Variants in UFSP2 observed in about 807,000 individuals in gnomAD.
UFSP2 encodes UFM1 specific peptidase 2.
UFSP2 carries 43 observed loss-of-function variants against 60.2 expected under a neutral mutation model. The observed-to-expected ratio is 0.71, with a 90% CI of 0.56 to 0.92. The LOEUF is 0.92. Ranked by LOEUF, UFSP2 falls within the 40% of genes least tolerant of loss-of-function variation. UFSP2 has a pLI of 0.00. For synonymous variants in UFSP2, 183 were observed against 195.1 expected (o/e 0.94, Z 0.52); for missense variants, 520 against 575.0 (o/e 0.90, Z 0.98).
chr4:185,400,154 C>A lies in UFSP2; in HGVS notation c.*238G>T, dbSNP rs2095511589. On this transcript the variant is annotated 3_prime_UTR_variant, in exon 12 of 12. Transcript: ENST00000264689. ...GAAAAACTTTCTTCCAAGTGAAGAT[C>A]CATTTAAGAACACATGTATTTACAT... 1.2e-6 allele frequency: 1 copy of A among 844,970 alleles called. No homozygotes were observed. The highest frequency in any genetic ancestry group is 1.8e-6 in the Non-Finnish European group (1 of 544,274). 52.3% of individuals were successfully genotyped at this position (844,970 alleles called of 1,614,324 possible).
chr4:185,401,248 A>C (rs1379681220), intron 11 of UFSP2, among the ~76,000 whole-genome samples: 1 of 152,198 alleles, frequency 6.6e-6, no homozygotes, highest in Non-Finnish European at 1.5e-5. Context: ...AAAACAAGAT[A>C]AAAGTAAAAA....
At chr4:185,425,098 A>C (rs191244772) in intron 1 of UFSP2, among the ~76,000 whole-genome samples, 1 of 152,354 alleles carries the variant, frequency 6.6e-6, no homozygotes, top group Non-Finnish European at 1.5e-5. Context: ...CAGTGACAAC[A>C]GACAGACATT....
rs775964376 is a variant in UFSP2, at chr4:185,403,505, TA to T, written c.1311del (p.Ile438PhefsTer31). On this transcript the variant is annotated frameshift_variant, in exon 11 of 12. Transcript: ENST00000264689. LOFTEE classifies it high-confidence loss of function. Reference protein sequence around the residue: ...PHYTGAEDLQVILEKGWCGWK... With the variant: ...PHYTGAEDLQXILEKGWCGWK... ...AAATGGATACTTACCTTTTCCAAAA[TA>T]ACTTGCAGGTCTTCAGCACCGGTAT... The T allele has an allele frequency of 1.9e-6, 3 of 1,612,746 alleles. No individual in the cohort carries two copies. The highest frequency in any genetic ancestry group is 1.7e-5 in the Admixed American group (1 of 59,606).
rs1307939847 is a variant in UFSP2 at position 185,403,608 on chromosome 4, A to C, written c.1209T>G (p.Val403=). The C allele has an allele frequency of 3.7e-6, 6 of 1,612,010 alleles. No individual in the cohort carries two copies. Among genetic ancestry groups the C allele is most frequent in the South Asian group, 3.3e-5 (3 of 90,524 alleles). Residue 403 remains valine, a synonymous_variant, in exon 11 of 12, where the codon GTT becomes GTG. Transcript: ENST00000264689. ...CAACTCCTAGTATTGTGTGGGCCAAAACTCCTCCCCCTATAGAAGAAAAAA... is the reference window on the plus strand; with the variant it reads ...CAACTCCTAGTATTGTGTGGGCCAACACTCCTCCCCCTATAGAAGAAAAAA... ...EGTPVMIGGG[V]LAHTILGVAW...
intron 7 of UFSP2, among the ~76,000 whole-genome samples, chr4:185,411,940 A>G (rs748884915): frequency 6.6e-6 from 1 of 152,250 alleles, no homozygotes; most frequent in Non-Finnish European, 1.5e-5. Context: ...TGAGATTGAT[A>G]TGTAACATAT....
chr4:185,400,669 T>C, intron 11 of UFSP2, 191 bp from the exon 12 acceptor site: 1 of 423,868 alleles, frequency 2.4e-6, no homozygotes, highest in East Asian at 3.5e-5. Flanking sequence ...TTTTGAACTT[T>C]TAATTCTATG....
At chr4:185,400,521 C>T (rs375238489) in intron 11 of UFSP2, 43 bp from the exon 12 acceptor site, 1 of 1,459,540 alleles carries the variant, frequency 6.9e-7, no homozygotes, top group South Asian at 1.2e-5. Context: ...TACAAAGTTA[C>T]AAGATTATGT....
intron 11 of UFSP2, chr4:185,402,194 A>G: frequency 2.5e-6 from 1 of 392,618 alleles, no homozygotes; most frequent in Non-Finnish European, 5.0e-6. Context: ...GTGTAATACT[A>G]GTGCTTAGGA....
intron 4 of UFSP2, among the ~76,000 whole-genome samples, chr4:185,417,148 A>ATG (rs1486177217): frequency 6.6e-6 from 1 of 152,188 alleles, no homozygotes; most frequent in Non-Finnish European, 1.5e-5. Flanking sequence ...CTTTCATACC[A>ATG]TGTGCTGAGG....
At chr4:185,425,502 G>A (rs534319492) in intron 1 of UFSP2, among the ~76,000 whole-genome samples, 5 of 152,278 alleles carry the variant, frequency 3.3e-5, no homozygotes, top group Admixed American at 1.3e-4. Context: ...AGAAACCAGG[G>A]GAGGGAAATA....
chr4:185,419,162 C>G (rs1036639127), intron 2 of UFSP2, among the ~76,000 whole-genome samples: 13 of 151,634 alleles, frequency 8.6e-5, no homozygotes, highest in Non-Finnish European at 1.8e-4. Flanking sequence ...GATGGAGTCT[C>G]GCTCTGTCGC....
intron 7 of UFSP2, among the ~76,000 whole-genome samples, chr4:185,412,971 G>C (rs1043961593): frequency 2.0e-5 from 3 of 152,070 alleles, no homozygotes; most frequent in Admixed American, 1.3e-4. Flanking sequence ...TGGCAACCGG[G>C]TATATGTTAC....
chr4:185,416,130 G>C (rs1021737041), intron 4 of UFSP2: 2 of 264,658 alleles, frequency 7.6e-6, no homozygotes, highest in African/African-American at 2.2e-5. Flanking sequence ...CTGTACTACA[G>C]TAAAAAGATT....
chr4:185,425,838 G>A (rs1391565225), intron 1 of UFSP2, 28 bp downstream of exon 1: 1 of 1,601,024 alleles, frequency 6.2e-7, no homozygotes, highest in South Asian at 1.1e-5. Flanking sequence ...GAAAAACACA[G>A]GGGTCGGTGA....
chr4:185,413,744 A>G lies in UFSP2; in HGVS notation c.813T>C (p.Pro271=). The change falls in exon 7 of 12, where the codon CCT becomes CCC. Residue 271 remains proline, a synonymous_variant. Coordinates refer to ENST00000264689, the MANE Select transcript of UFSP2 (RefSeq NM_018359.5). The part of the protein sequence containing the change: ...IRNPHTYLNP[P]NMETGMIYVV... ...AACTCACCATACCAGTCTCCATGTT[A>G]GGTGGATTAAGGTAAGTATGTGGAT... 2 of 1,611,466 alleles carry G rather than the reference A, an allele frequency of 1.2e-6. No homozygotes were observed. The highest frequency in any genetic ancestry group is 1.7e-6 in the Non-Finnish European group (2 of 1,179,186).
At chr4:185,411,960 C>T (rs768421468) in intron 7 of UFSP2, among the ~76,000 whole-genome samples, 6 of 152,132 alleles carry the variant, frequency 3.9e-5, no homozygotes, top group Non-Finnish European at 1.5e-5. Flanking sequence ...TACGCTGAAA[C>T]TACTTTTTAA....
At chr4:185,401,202 G>A (rs189942638) in intron 11 of UFSP2, among the ~76,000 whole-genome samples, 85 of 152,164 alleles carry the variant, frequency 5.6e-4, no homozygotes, top group African/African-American at 1.7e-3. Context: ...GACAAGCAGC[G>A]GTCTGACTCC....
intron 11 of UFSP2, chr4:185,402,337 T>C (rs1160176571): frequency 1.5e-5 from 7 of 453,804 alleles, no homozygotes; most frequent in Admixed American, 1.2e-4. Flanking sequence ...GACTTCAAAT[T>C]CCAAATGCTG....
In UFSP2 at chr4:185,418,720, T is replaced by G; in HGVS notation, c.133A>C (p.Lys45Gln). ...LKHVLSDLSTKLSSNALVFRI... is the reference protein window; with the variant it reads ...LKHVLSDLSTQLSSNALVFRI... ...AACACAAGGGCGTTTGAAGACAGCT[T>G]AGTTGACAGGTCACTCAACACATGT... The change falls in exon 3 of 12, where the codon AAG becomes CAG. Residue 45 changes from lysine to glutamine, a missense_variant. Coordinates refer to ENST00000264689, the MANE Select transcript of UFSP2 (RefSeq NM_018359.5). The G allele has an allele frequency of 6.2e-7, 1 of 1,613,568 alleles. No homozygotes were observed. Among genetic ancestry groups the G allele is most frequent in the Non-Finnish European group, 8.5e-7 (1 of 1,179,850 alleles).
Sources: allele counts gnomAD v4.1 joint callset (sites outside exome capture counted in the v4.1 genomes callset), GRCh38; gene constraint gnomAD v4.1.1; transcripts MANE v1.5; gene names NCBI Gene and HGNC (gene_info 2026-07-23, HGNC 2026-07-21).